ADAMTS12: variants seen among roughly 807,000 people sequenced by gnomAD.
ADAMTS12 encodes A disintegrin and metalloproteinase with thrombospondin motifs 12.
In ADAMTS12, 118 loss-of-function variants were observed where a neutral mutation model predicts 167.8. That is an observed-to-expected ratio of 0.70 (90% CI 0.61 to 0.82). ADAMTS12 has a LOEUF of 0.82. ADAMTS12 is among the 40% of genes least tolerant of loss of function. The probability of loss-of-function intolerance (pLI) is 0.00; values close to 1 mark genes in which losing one functional copy is unlikely to be tolerated. For synonymous variants in ADAMTS12, 704 were observed against 716.9 expected (o/e 0.98, Z 0.29); for missense variants, 1,916 against 1,998.8 (o/e 0.96, Z 0.79).
At chr5:33,882,777 G>A (rs750430392) in intron 1 of ADAMTS12, among the ~76,000 whole-genome samples, 1 of 152,084 alleles carries the variant, frequency 6.6e-6, no homozygotes, top group Non-Finnish European at 1.5e-5. Context: ...TTTTCGTAGA[G>A]ATGGGGTTTC....
At chr5:33,854,180 CCATTTTT>C (rs1749320832) in intron 2 of ADAMTS12, among the ~76,000 whole-genome samples, 1 of 152,150 alleles carries the variant, frequency 6.6e-6, no homozygotes, top group Non-Finnish European at 1.5e-5. Context: ...TCTTGTTTTC[CCATTTTT>C]CAAAGTCCTT....
intron 2 of ADAMTS12, among the ~76,000 whole-genome samples, chr5:33,785,092 A>G (rs952209924): frequency 5.9e-5 from 9 of 152,068 alleles, no homozygotes; most frequent in Non-Finnish European, 1.0e-4. Context: ...GTGGGAAAGG[A>G]TATGAGGCTT....
intron 11 of ADAMTS12, among the ~76,000 whole-genome samples, chr5:33,639,163 T>C (rs973372164): frequency 6.6e-6 from 1 of 152,228 alleles, no homozygotes; most frequent in Admixed American, 6.5e-5. Context: ...CACACACAGA[T>C]TTAGTAGAGT....
intron 4 of ADAMTS12, among the ~76,000 whole-genome samples, 181 bp from the exon 5 acceptor site, chr5:33,683,282 C>A (rs1742197904): frequency 1.3e-5 from 2 of 152,134 alleles, no homozygotes; most frequent in Admixed American, 6.5e-5. Flanking sequence ...AATATTTAAA[C>A]AAAATCTTTC....
chr5:33,891,212 A>T (rs550499178), intron 1 of ADAMTS12, among the ~76,000 whole-genome samples: 1 of 152,288 alleles, frequency 6.6e-6, no homozygotes, highest in South Asian at 2.1e-4. Context: ...CAAAAGGACT[A>T]TTCTTTCAAA....
chr5:33,786,234 T>C (rs182250768), intron 2 of ADAMTS12, among the ~76,000 whole-genome samples: 192 of 152,338 alleles, frequency 1.3e-3, no homozygotes, highest in Middle Eastern at 6.8e-3. Context: ...ATTGTGATGA[T>C]TCCACAACTG....
chr5:33,618,548 G>A (rs74545494), intron 14 of ADAMTS12, among the ~76,000 whole-genome samples: 2,900 of 152,266 alleles, frequency 0.019, 73 homozygotes, highest in African/African-American at 0.06. Context: ...CTGTTAGACT[G>A]TCCAATGTCT....
chr5:33,763,728 A>G (rs1745435368), intron 2 of ADAMTS12, among the ~76,000 whole-genome samples: 1 of 152,204 alleles, frequency 6.6e-6, no homozygotes. Context: ...TGTAGGAAAC[A>G]ATGCTTCCAC....
chr5:33,780,284 C>A (rs1746078213), intron 2 of ADAMTS12, among the ~76,000 whole-genome samples: 1 of 152,122 alleles, frequency 6.6e-6, no homozygotes, highest in African/African-American at 2.4e-5. Flanking sequence ...AAAAGGAGAT[C>A]AGATGAGTTA....
At chr5:33,812,027 T>C (rs550982416) in intron 2 of ADAMTS12, among the ~76,000 whole-genome samples, 4 of 152,210 alleles carry the variant, frequency 2.6e-5, no homozygotes, top group Non-Finnish European at 5.9e-5. Context: ...GTCTCAAGCC[T>C]ATAATCCCAG....
intron 2 of ADAMTS12, among the ~76,000 whole-genome samples, chr5:33,869,122 G>A (rs1005425677): frequency 6.6e-6 from 1 of 152,166 alleles, no homozygotes. Flanking sequence ...TAGGAGAAAA[G>A]AATGGTTTTG....
At position 33,624,131 on chromosome 5, in the gene ADAMTS12, T is replaced by C. The variant is rs56155801; in HGVS notation, c.2143+100A>G. On this transcript the variant is annotated intron_variant, in intron 14 of 23. Transcript: ENST00000504830. Reference sequence around the variant, plus strand: ...TTTGAATACTTTGAAAATCACAGACTGTTTAAAGAAATAAAAACAAAAACT... The same window carrying C: ...TTTGAATACTTTGAAAATCACAGACCGTTTAAAGAAATAAAAACAAAAACT... 9,073 of 1,519,106 alleles carry C rather than the reference T, an allele frequency of 6.0e-3. 477 individuals carry two copies. The African/African-American group carries it at 0.11, about 18-fold the overall frequency. The allele number at this position is 1,519,106 out of a possible 1,614,324, so 94.1% of individuals were successfully genotyped here.
intron 3 of ADAMTS12, among the ~76,000 whole-genome samples, chr5:33,724,422 T>C (rs1022509298): frequency 5.9e-5 from 9 of 152,010 alleles, no homozygotes; most frequent in African/African-American, 2.2e-4. Context: ...TACTTTTCTG[T>C]CCATATCTTA....
At chr5:33,542,287 C>T (rs1744744870) in intron 22 of ADAMTS12, among the ~76,000 whole-genome samples, 1 of 152,194 alleles carries the variant, frequency 6.6e-6, no homozygotes, top group Non-Finnish European at 1.5e-5. Flanking sequence ...CAAGAGCTAA[C>T]TATCCTAAAT....
intron 14 of ADAMTS12, among the ~76,000 whole-genome samples, chr5:33,616,540 T>C (rs1739024953): frequency 1.3e-5 from 2 of 152,204 alleles, no homozygotes. Context: ...AGAAGTAATG[T>C]AATCCTAGCT....
At chr5:33,704,539 C>G (rs771783743) in intron 3 of ADAMTS12, among the ~76,000 whole-genome samples, 1 of 152,070 alleles carries the variant, frequency 6.6e-6, no homozygotes, top group African/African-American at 2.4e-5. Context: ...TAATACCCCA[C>G]CTAATAGGTG....
chr5:33,573,751 C>T (rs1373274834), intron 19 of ADAMTS12, among the ~76,000 whole-genome samples: 1 of 152,170 alleles, frequency 6.6e-6, no homozygotes, highest in Non-Finnish European at 1.5e-5. Context: ...CAAATGGGAT[C>T]TCATTAAACT....
chr5:33,764,730 G>A (rs545096678), intron 2 of ADAMTS12, among the ~76,000 whole-genome samples: 1 of 152,226 alleles, frequency 6.6e-6, no homozygotes, highest in Admixed American at 6.5e-5. Context: ...TCTGGGAAAT[G>A]AGCTTTAAAA....
chr5:33,646,828 T>C (rs1467015133), intron 9 of ADAMTS12, among the ~76,000 whole-genome samples: 1 of 152,128 alleles, frequency 6.6e-6, no homozygotes, highest in Non-Finnish European at 1.5e-5. Context: ...TGTCACATAT[T>C]ATTAAAGAAA....
Sources: gnomAD v4.1 joint callset for allele counts (sites outside exome capture counted in the v4.1 genomes callset) on GRCh38, gnomAD v4.1.1 for gene constraint, MANE v1.5 for transcripts, NCBI Gene and HGNC (gene_info 2026-07-23, HGNC 2026-07-21) for gene names.